Variants in GPHN observed in about 807,000 individuals in gnomAD.
GPHN encodes gephyrin.
A neutral mutation model predicts 95.5 loss-of-function variants in GPHN; 17 were observed. That is an observed-to-expected ratio of 0.18 (90% CI 0.12 to 0.27). The LOEUF (loss-of-function observed/expected upper bound fraction) is 0.27, where lower values mean the gene tolerates loss of function less well. Among genes scored for constraint, GPHN ranks in the 10% least tolerant of loss-of-function variants. GPHN has a pLI of 1.00. For synonymous variants in GPHN, 320 were observed against 322.5 expected, an observed-to-expected ratio of 0.99 and a Z score of 0.08; for missense variants, 660 against 978.1, an observed-to-expected ratio of 0.67 and a Z score of 4.34.
At position 66,922,915 on chromosome 14, in the gene GPHN, A is replaced by C. The variant is rs1360634367; in HGVS notation, c.706A>C (p.Thr236Pro). The C allele has an allele frequency of 6.2e-7, 1 of 1,612,904 alleles. No individual in the cohort carries two copies. The highest frequency in any genetic ancestry group is 8.5e-7 in the Non-Finnish European group (1 of 1,179,766). Reference sequence around the variant, plus strand: ...AGAAGATAGTTCCTCATCACATATAACTGCAGCAGCCATTGCTGCCAAGGT... The same window carrying C: ...AGAAGATAGTTCCTCATCACATATACCTGCAGCAGCCATTGCTGCCAAGGT... ...STEDSSSSHI[T>P]AAAIAAKKHP... Residue 236 changes from threonine to proline, a missense_variant, in exon 7 of 23, where the codon ACT (threonine) becomes CCT (proline). By Grantham distance (38) the Thr-to-Pro change is conservative. This residue lies in a region of GPHN where 190 missense variants were observed against 224.7 expected (regional missense o/e 0.85). Coordinates refer to ENST00000478722, the MANE Select transcript of GPHN (RefSeq NM_020806.5).
intron 1 of GPHN, among the ~76,000 whole-genome samples, chr14:66,634,371 TCAA>T (rs1220318964): frequency 1.1e-4 from 17 of 152,176 alleles, no homozygotes; most frequent in Admixed American, 6.5e-5. Context: ...TCACCTGTAA[TCAA>T]CAACTGCAGT....
chr14:67,289,931 C>T, the GPHN span, among the ~76,000 whole-genome samples: 11 of 152,052 alleles, frequency 7.2e-5, no homozygotes, highest in South Asian at 1.0e-3. Flanking sequence ...CCACCACGCC[C>T]GGCTAATTTT....
At chr14:66,679,615 T>C (rs994174468) in intron 1 of GPHN, among the ~76,000 whole-genome samples, 1 of 152,234 alleles carries the variant, frequency 6.6e-6, no homozygotes, top group African/African-American at 2.4e-5. Flanking sequence ...TCTCTTATGC[T>C]CTGTTCATTT....
At chr14:67,064,219 A>G (rs572915121) in intron 11 of GPHN, among the ~76,000 whole-genome samples, 1 of 152,228 alleles carries the variant, frequency 6.6e-6, no homozygotes, top group African/African-American at 2.4e-5. Context: ...GGTTTGGTTT[A>G]TGTGATGGAT....
At chr14:67,001,391 T>C (rs1318818850) in intron 9 of GPHN, among the ~76,000 whole-genome samples, 1 of 151,644 alleles carries the variant, frequency 6.6e-6, no homozygotes, top group Non-Finnish European at 1.5e-5. Flanking sequence ...CATATTATAA[T>C]GTGATAGCAG....
At chr14:67,600,300 T>G in the GPHN span, 1 of 1,059,034 alleles carries the variant, frequency 9.4e-7, no homozygotes. Flanking sequence ...GGCAGCCGCG[T>G]CACCACGCCC....
chr14:66,690,470 T>G (rs1397309544), intron 2 of GPHN, among the ~76,000 whole-genome samples: 1 of 152,228 alleles, frequency 6.6e-6, no homozygotes, highest in African/African-American at 2.4e-5. Context: ...CTGGAGAATA[T>G]TCCATGTGCT....
intron 1 of GPHN, among the ~76,000 whole-genome samples, chr14:66,609,212 G>C (rs923907159): frequency 6.6e-6 from 1 of 151,996 alleles, no homozygotes; most frequent in African/African-American, 2.4e-5. Context: ...AGCTTACTTT[G>C]GTGGGATATG....
chr14:67,724,551 G>A, the GPHN span: 9 of 1,613,770 alleles, frequency 5.6e-6, no homozygotes, highest in East Asian at 2.2e-5. Context: ...GCGCCAACAC[G>A]GGCATTGGCA....
Position 67,181,067 on chromosome 14 carries a change from T to C in GPHN, c.*130T>C, listed in dbSNP as rs2083303405. 1 of 777,358 alleles carries C rather than the reference T, an allele frequency of 1.3e-6. No homozygotes were observed. Among genetic ancestry groups the C allele is most frequent in the Non-Finnish European group, 2.2e-6 (1 of 462,252 alleles). 48.2% of individuals were successfully genotyped at this position (777,358 alleles called of 1,614,324 possible). On this transcript the variant is annotated 3_prime_UTR_variant, in exon 23 of 23. Transcript: ENST00000478722. The stretch of plus-strand genomic sequence containing the variant: ...TCTGTATAGTCAACATCTTGAACTA[T>C]ATTTCAAATGAATTTAAATATCTTT...
chr14:67,182,438 G>A (rs2083339788), downstream of GPHN, among the ~76,000 whole-genome samples: 1 of 151,976 alleles, frequency 6.6e-6, no homozygotes, highest in Non-Finnish European at 1.5e-5. Context: ...GTCAAGGGAT[G>A]GTAAATAAAG....
intron 8 of GPHN, among the ~76,000 whole-genome samples, chr14:66,949,361 G>A (rs948233088): frequency 6.6e-6 from 1 of 152,146 alleles, no homozygotes; most frequent in Non-Finnish European, 1.5e-5. Flanking sequence ...ACCTCCCAAA[G>A]TACTGGGATT....
Position 67,113,078 on chromosome 14 carries a change from C to T in GPHN, c.1533C>T (p.Gly511=), listed in dbSNP as rs757943076. The T allele has an allele frequency of 3.1e-6, 5 of 1,613,120 alleles. No homozygotes were observed. In the East Asian group the frequency reaches 1.1e-4, roughly 36 times the overall value. ...ECVLAKGTHM[G]PSEIGLLATV... ...TTTTGGCCAAAGGAACCCACATGGG[C>T]CCCTCAGAGATTGGTCTTCTGGCAA... The change falls in exon 16 of 23, where the codon GGC becomes GGT. Residue 511 remains glycine (G), a synonymous_variant. Coordinates refer to ENST00000478722, the MANE Select transcript of GPHN (RefSeq NM_020806.5).
intron 4 of GPHN, among the ~76,000 whole-genome samples, chr14:66,847,768 T>C (rs1230543427): frequency 6.6e-6 from 1 of 152,106 alleles, no homozygotes; most frequent in Non-Finnish European, 1.5e-5. Flanking sequence ...GAAACTTTTG[T>C]GAAGTTTCAC....
At chr14:66,518,335 T>C (rs954441971) in intron 1 of GPHN, among the ~76,000 whole-genome samples, 3 of 151,962 alleles carry the variant, frequency 2.0e-5, no homozygotes, top group Admixed American at 6.6e-5. Context: ...AGACAAAGAA[T>C]GACAAATGCT....
chr14:67,730,014 T>C, the GPHN span, among the ~76,000 whole-genome samples: 1 of 152,216 alleles, frequency 6.6e-6, no homozygotes, highest in African/African-American at 2.4e-5. Context: ...CGTGAAGCAC[T>C]GGAAATAGTC....
intron 1 of GPHN, among the ~76,000 whole-genome samples, chr14:66,618,054 G>A (rs2063122438): frequency 1.3e-5 from 2 of 152,246 alleles, no homozygotes; most frequent in South Asian, 4.1e-4. Flanking sequence ...TATTTCTTCA[G>A]TATATATAAC....
chr14:66,971,204 T>C (rs1277293003), intron 9 of GPHN, among the ~76,000 whole-genome samples: 1 of 152,194 alleles, frequency 6.6e-6, no homozygotes, highest in Non-Finnish European at 1.5e-5. Flanking sequence ...GGCACATGCC[T>C]GTAATCCCAG....
At chr14:67,165,066 TATG>T (rs2082197170) in intron 19 of GPHN, 93 bp from the exon 20 acceptor site, 6 of 832,022 alleles carry the variant, frequency 7.2e-6, no homozygotes, top group Admixed American at 5.6e-5. Flanking sequence ...GTGTTTTTTA[TATG>T]ATAAGTGTAT....
Sources: allele counts gnomAD v4.1 joint callset (sites outside exome capture counted in the v4.1 genomes callset), GRCh38; gene constraint gnomAD v4.1.1; regional missense constraint gnomAD v4.1.1; transcripts MANE v1.5; gene names NCBI Gene and HGNC (gene_info 2026-07-23, HGNC 2026-07-21).